The following ARHGAP45 variants were observed in gnomAD, a reference collection of about 807,000 sequenced individuals.
The protein encoded by ARHGAP45 is Rho GTPase activating protein 45, also known as rho GTPase-activating protein 45.
Under a neutral mutation model 116.1 loss-of-function variants are expected in ARHGAP45, and 56 were observed. That is an observed-to-expected ratio of 0.48 (90% CI 0.39 to 0.60). The LOEUF (loss-of-function observed/expected upper bound fraction) is 0.60, where lower values mean the gene tolerates loss of function less well. ARHGAP45 is among the 20% of genes least tolerant of loss of function. The pLI, the probability that ARHGAP45 is intolerant of heterozygous loss-of-function variation, is 0.00. For missense variants in ARHGAP45, 1,622 were observed against 1,601.0 expected, an observed-to-expected ratio of 1.01 and a Z score of -0.22; for synonymous variants, 866 against 701.7, an observed-to-expected ratio of 1.23 and a Z score of -3.70.
rs1568483107 is a variant in ARHGAP45 at position 1,083,129 on chromosome 19, TGCCCACCCC to T, written c.2745-11_2745-3del. The T allele has an allele frequency of 6.3e-7, 1 of 1,598,720 alleles. No homozygotes were observed. The highest frequency in any genetic ancestry group is 8.5e-7 in the Non-Finnish European group (1 of 1,175,508). On this transcript the variant is annotated splice_region_variant and splice_polypyrimidine_tract_variant and intron_variant, in intron 20 of 22. Transcript: ENST00000313093. ...CGGGAGCCGCTCAGCACCTGGCCCC[TGCCCACCCC>T]GCAGGATCGTGGAGGTGGAGCAGGA...
At position 1,082,925 on chromosome 19, in the gene ARHGAP45, A is replaced by G. The variant is rs377324086; in HGVS notation, c.2603A>G (p.Lys868Arg). Reference sequence around the variant, plus strand: ...AGCCTGAAGGCAGAGGCCGAGGCCAAGGCGGCGTCCCGGGGCCGGCAGGAC... The same window carrying G: ...AGCCTGAAGGCAGAGGCCGAGGCCAGGGCGGCGTCCCGGGGCCGGCAGGAC... ...KDSLKAEAEA[K>R]AASRGRQDGS... Residue 868 changes from lysine to arginine, a missense_variant, in exon 20 of 23, where the codon AAG (lysine) becomes AGG (arginine). Around this residue, in one of 3 missense-constraint regions of ARHGAP45, gnomAD observed 1,334 missense variants for 1,263.8 expected, o/e 1.06. Coordinates refer to ENST00000313093, the MANE Select transcript of ARHGAP45 (RefSeq NM_012292.5). 9 of 1,591,854 alleles carry G rather than the reference A, an allele frequency of 5.7e-6. No individual in the cohort carries two copies. In the African/African-American group the frequency reaches 9.4e-5, roughly 17 times the overall value.
At chr19:1,067,932 A>G (rs141322928) in intron 1 of ARHGAP45, among the ~76,000 whole-genome samples, 18 of 89,558 alleles carry the variant, frequency 2.0e-4, no homozygotes, top group Non-Finnish European at 2.3e-4. Context: ...GAGTGTCCCC[A>G]GGCCTGGGGT....
chr19:1,081,748 G>A lies in ARHGAP45; in HGVS notation c.2379+10G>A, dbSNP rs747170865. On this transcript the variant is annotated intron_variant, in intron 18 of 22. Transcript: ENST00000313093. ...GGCGCTGCGCACCAAGGTGAGGCGGGGGAGGAAGCGGCTCACAGCGAGGAG... is the reference window on the plus strand; with the variant it reads ...GGCGCTGCGCACCAAGGTGAGGCGGAGGAGGAAGCGGCTCACAGCGAGGAG... 6.8e-5 allele frequency: 106 copies of A among 1,558,568 alleles called. No homozygotes were observed. The highest frequency in any genetic ancestry group is 7.9e-5 in the Non-Finnish European group (91 of 1,150,498).
chr19:1,078,148 T>G (rs201520718), intron 11 of ARHGAP45, 103 bp downstream of exon 11: 8 of 1,030,024 alleles, frequency 7.8e-6, no homozygotes, highest in Non-Finnish European at 9.3e-6. Context: ...TTTTTTGTTT[T>G]TTTGTTTGTT....
intron 19 of ARHGAP45, chr19:1,082,578 C>T (rs181967859): frequency 8.2e-5 from 42 of 513,882 alleles, no homozygotes; most frequent in African/African-American, 7.3e-4. Flanking sequence ...TGAGTGGAGC[C>T]GGAGCTCGTT....
In ARHGAP45 at chr19:1,079,720, C is replaced by T. The variant is rs766081745; in HGVS notation, c.1392C>T (p.Ala464=). The part of the protein sequence containing the change: ...EAKNKAEEAM[A]TYRTCVADAK... ...CACCGCAGGCGGAGGAAGCTATGGC[C>T]ACCTACCGCACCTGCGTGGCCGACG... The change falls in exon 12 of 23, where the codon GCC becomes GCT. Residue 464 remains alanine, a synonymous_variant. Coordinates refer to ENST00000313093, the MANE Select transcript of ARHGAP45 (RefSeq NM_012292.5). 1 of 1,612,598 alleles carries T rather than the reference C, an allele frequency of 6.2e-7. No homozygotes were observed. Among genetic ancestry groups the T allele is most frequent in the Admixed American group, 1.7e-5 (1 of 59,996 alleles).
Position 1,071,211 on chromosome 19 carries a change from G to A in ARHGAP45, c.422-1938G>A, listed in dbSNP as rs2043134008. Reference sequence around the variant, plus strand: ...GGGGCCTCCTGACCGGCCGGAGCCGGTTTGGCCACCGGAGACCCCCATCGG... The same window carrying A: ...GGGGCCTCCTGACCGGCCGGAGCCGATTTGGCCACCGGAGACCCCCATCGG... On this transcript the variant is annotated intron_variant, in intron 2 of 22. Coordinates refer to ENST00000313093, the MANE Select transcript of ARHGAP45 (RefSeq NM_012292.5). This position sits in a 1 kb window ranked among gnomAD's most constrained non-coding sequence, Gnocchi z 4.6. 3 of 1,423,876 alleles carry A rather than the reference G, an allele frequency of 2.1e-6. No homozygotes were observed. The African/African-American group carries it at 4.6e-5, about 22-fold the overall frequency. The allele number at this position is 1,423,876 out of a possible 1,614,324, so 88.2% of individuals were successfully genotyped here. A position where few individuals can be genotyped will look rare whatever the true frequency, so the allele number is the denominator to read the frequency against.
At chr19:1,084,818 G>A (rs1419975730) in intron 22 of ARHGAP45, among the ~76,000 whole-genome samples, 1 of 152,152 alleles carries the variant, frequency 6.6e-6, no homozygotes, top group Admixed American at 6.6e-5. Context: ...GGGCACGGTG[G>A]CTCACGCCTG....
At chr19:1,074,282 G>A in intron 7 of ARHGAP45, 41 bp downstream of exon 7, 3 of 1,611,962 alleles carry the variant, frequency 1.9e-6, no homozygotes, top group Non-Finnish European at 2.5e-6. Flanking sequence ...TGGAGGGAGG[G>A]GGTTCTGGGT....
At chr19:1,080,174 G>T in intron 13 of ARHGAP45, 56 bp downstream of exon 13, 1 of 1,610,348 alleles carries the variant, frequency 6.2e-7, no homozygotes, top group Non-Finnish European at 8.5e-7. Context: ...TGGGAGCCGG[G>T]CTTCCCTCTG....
Position 1,079,750 on chromosome 19 carries a change from G to A in ARHGAP45, c.1422G>A (p.Lys474=), listed in dbSNP as rs2043372487. ...ACCGCACCTGCGTGGCCGACGCGAA[G>A]ACGCAGAAGCAGGAGCTGGAGGATA... ...ATYRTCVADA[K]TQKQELEDTK... Residue 474 remains lysine (K), a synonymous_variant, in exon 12 of 23, where the codon AAG becomes AAA. Coordinates refer to ENST00000313093, the MANE Select transcript of ARHGAP45 (RefSeq NM_012292.5). The A allele has an allele frequency of 1.2e-6, 2 of 1,612,564 alleles. No homozygotes were observed. Among genetic ancestry groups the A allele is most frequent in the Non-Finnish European group, 1.7e-6 (2 of 1,179,762 alleles).
Position 1,077,956 on chromosome 19 carries a change from G to A in ARHGAP45, c.1285G>A (p.Glu429Lys). The change falls in exon 11 of 23, where the codon GAG (glutamate) becomes AAG (lysine). Residue 429 changes from glutamate to lysine, a missense_variant. Glu to Lys is a moderately conservative substitution (Grantham distance 56, BLOSUM62 1). Transcript: ENST00000313093. ...ARFLVAKAEE[E>K]QAGSAPGAGS... is the part of the protein sequence containing the mutation. ...CTTCCTCGTGGCCAAGGCGGAGGAGGAGCAGGCTGGCAGCGCGCCGGGAGC... is the reference window on the plus strand; with the variant it reads ...CTTCCTCGTGGCCAAGGCGGAGGAGAAGCAGGCTGGCAGCGCGCCGGGAGC... The A allele has an allele frequency of 1.3e-6, 2 of 1,553,288 alleles. No individual in the cohort carries two copies. Among genetic ancestry groups the A allele is most frequent in the Non-Finnish European group, 8.7e-7 (1 of 1,147,848 alleles).
chr19:1,066,122 C>T, upstream of ARHGAP45: 1 of 1,535,660 alleles, frequency 6.5e-7, no homozygotes, highest in Non-Finnish European at 8.7e-7. Flanking sequence ...GGGCTGTGGC[C>T]TTCATGTCCT....
At position 1,078,291 on chromosome 19, in the gene ARHGAP45, C is replaced by G. The variant is rs1416144466; in HGVS notation, c.1374+246C>G. Among the ~76,000 whole-genome samples, 3 of 151,174 alleles carry G rather than the reference C, an allele frequency of 2.0e-5. No individual in the cohort carries two copies. In the East Asian group the frequency reaches 5.9e-4, roughly 30 times the overall value. ...CCCGAGTAGCTGGGACTACAGGCGC[C>G]CGCCACCACGCCTGGCTAATTTTTT... On this transcript the variant is annotated intron_variant, in intron 11 of 22. Transcript: ENST00000313093.
chr19:1,073,622 G>C (rs371408765), intron 4 of ARHGAP45, 32 bp downstream of exon 4: 4 of 1,612,656 alleles, frequency 2.5e-6, no homozygotes, highest in African/African-American at 1.3e-5. Flanking sequence ...GCAGGGCAAG[G>C]GAGCGTGGGG....
Position 1,083,373 on chromosome 19 carries a change from C to G in ARHGAP45, c.2955+20C>G, listed in dbSNP as rs1328991690. 6.5e-7 allele frequency: 1 copy of G among 1,535,116 alleles called. No individual in the cohort carries two copies. Among genetic ancestry groups the G allele is most frequent in the East Asian group, 2.4e-5 (1 of 41,076 alleles). On this transcript the variant is annotated intron_variant, in intron 21 of 22. Transcript: ENST00000313093. ...GGCCAGGTGAGGGTGTGGGCCTGAC[C>G]GGGGCTGGCCACTCGGGGCTTGGGG...
Position 1,085,772 on chromosome 19 carries a change from G to C in ARHGAP45, c.3177G>C (p.Gln1059His). The C allele has an allele frequency of 1.2e-6, 2 of 1,612,726 alleles. No individual in the cohort carries two copies. The highest frequency in any genetic ancestry group is 1.7e-6 in the Non-Finnish European group (2 of 1,179,842). Residue 1059 changes from glutamine to histidine, a missense_variant, in exon 23 of 23, where the codon CAG becomes CAC. By Grantham distance (24) the Gln-to-His change is conservative (BLOSUM62 0). This residue lies in a region of ARHGAP45 where 1,334 missense variants were observed against 1,263.8 expected (regional missense o/e 1.06). Transcript: ENST00000313093. ...LGHLSFLEQQ[Q>H]SEASLEVASG... ...ACCTCAGCTTCCTGGAGCAGCAGCAGAGCGAGGCCAGCCTAGAGGTGGCTT... is the reference window on the plus strand; with the variant it reads ...ACCTCAGCTTCCTGGAGCAGCAGCACAGCGAGGCCAGCCTAGAGGTGGCTT...
chr19:1,086,154 C>T lies in ARHGAP45; in HGVS notation c.*148C>T, dbSNP rs1052661331. On this transcript the variant is annotated 3_prime_UTR_variant, in exon 23 of 23. Coordinates refer to ENST00000313093, the MANE Select transcript of ARHGAP45 (RefSeq NM_012292.5). ...GACTTCGACGTCCCACCAGCGGGCG[C>T]CTCCTCCCAGAGGCTTCCAGGAGCA... 6 of 701,452 alleles carry T rather than the reference C, an allele frequency of 8.6e-6. No homozygotes were observed. The highest frequency in any genetic ancestry group is 4.0e-4 in the Middle Eastern group (1 of 2,472). The allele number at this position is 701,452 out of a possible 1,614,324, so 43.5% of individuals were successfully genotyped here. A position where few individuals can be genotyped will look rare whatever the true frequency, so the allele number is the denominator to read the frequency against.
In ARHGAP45 at chr19:1,083,431, G is replaced by T. The variant is rs111252362; in HGVS notation, c.2955+78G>T. On this transcript the variant is annotated intron_variant, in intron 21 of 22. Coordinates refer to ENST00000313093, the MANE Select transcript of ARHGAP45 (RefSeq NM_012292.5). The stretch of plus-strand genomic sequence containing the variant: ...GGCGCTGCTGGGGACAGTCGTTGTC[G>T]GATGAAGCCCAAGGAACCACAGGGA... 803 of 1,289,286 alleles carry T rather than the reference G, an allele frequency of 6.2e-4. 3 individuals are homozygous for T. In the African/African-American group the frequency reaches 0.01, roughly 16 times the overall value. The allele number at this position is 1,289,286 out of a possible 1,614,324, so 79.9% of individuals were successfully genotyped here. A position where few individuals can be genotyped will look rare whatever the true frequency, so the allele number is the denominator to read the frequency against.
Sources: gnomAD v4.1 joint callset for allele counts (sites outside exome capture counted in the v4.1 genomes callset) on GRCh38, gnomAD v4.1.1 for gene constraint, gnomAD v4.1.1 regional missense constraint, Gnocchi (gnomAD v3.1) non-coding constraint, MANE v1.5 for transcripts, NCBI Gene and HGNC (gene_info 2026-07-23, HGNC 2026-07-21) for gene names.